Variants in TNKS observed in about 807,000 individuals in gnomAD.
The protein encoded by TNKS is tankyrase.
TNKS carries 72 observed loss-of-function variants against 135.8 expected under a neutral mutation model. That is an observed-to-expected ratio of 0.53 (90% CI 0.44 to 0.64). The LOEUF is 0.64. Ranked by LOEUF, TNKS falls within the 30% of genes least tolerant of loss-of-function variation. The probability of loss-of-function intolerance (pLI) is 0.00; values close to 1 mark genes in which losing one functional copy is unlikely to be tolerated. For synonymous variants in TNKS, 849 were observed against 649.3 expected (o/e 1.31, Z -4.68); for missense variants, 1,769 against 1,674.0 (o/e 1.06, Z -0.99).
At chr8:9,653,144 A>G (rs183755673) in intron 3 of TNKS, among the ~76,000 whole-genome samples, 196 of 152,324 alleles carry the variant, frequency 1.3e-3, no homozygotes, top group African/African-American at 4.6e-3. Flanking sequence ...TAGTGAAGTA[A>G]TGAGGGAGAA....
At chr8:9,735,236 T>A (rs1233780615) in intron 16 of TNKS, 141 bp from the exon 17 acceptor site, 1 of 1,066,422 alleles carries the variant, frequency 9.4e-7, no homozygotes, top group African/African-American at 1.6e-5. Flanking sequence ...TATTGTGAAG[T>A]CCCTCCATTA....
rs895584856 is a variant in TNKS at position 9,781,550 on chromosome 8, ACT to A, written c.*4817_*4818del. 2.6e-5 allele frequency: 4 copies of A among 151,802 alleles called. No individual in the cohort carries two copies. Among genetic ancestry groups the A allele is most frequent in the African/African-American group, 9.7e-5 (4 of 41,250 alleles). The allele number at this position is 151,802 out of a possible 1,614,324, so 9.4% of individuals were successfully genotyped here. A position where few individuals can be genotyped will look rare whatever the true frequency, so the allele number is the denominator to read the frequency against. ...TGTCTCCGTGACACAAAACACTGAA[ACT>A]CTTCATGTGCATATAACACCTGCTT... is the stretch of plus-strand genomic sequence containing the variant. On this transcript the variant is annotated 3_prime_UTR_variant, in exon 27 of 27. Transcript: ENST00000310430.
chr8:9,617,343 G>A (rs1031672504), intron 3 of TNKS, among the ~76,000 whole-genome samples: 4 of 152,158 alleles, frequency 2.6e-5, no homozygotes, highest in Non-Finnish European at 5.9e-5. Context: ...AGGAATATAC[G>A]AAATTCTTGG....
chr8:9,601,334 A>C (rs1040672605), intron 2 of TNKS, among the ~76,000 whole-genome samples: 1 of 152,222 alleles, frequency 6.6e-6, no homozygotes, highest in African/African-American at 2.4e-5. Context: ...TTTGAATTTA[A>C]CATGTATTAT....
intron 2 of TNKS, among the ~76,000 whole-genome samples, chr8:9,581,730 C>G (rs1249763385): frequency 6.6e-6 from 1 of 152,148 alleles, no homozygotes; most frequent in Non-Finnish European, 1.5e-5. Flanking sequence ...ATTATCCTTT[C>G]CAGGCTTCAG....
chr8:9,578,362 A>C (rs1798038847), intron 1 of TNKS, among the ~76,000 whole-genome samples: 1 of 152,236 alleles, frequency 6.6e-6, no homozygotes, highest in Non-Finnish European at 1.5e-5. Flanking sequence ...GCAGGTATTT[A>C]AAAAACAAAA....
intron 8 of TNKS, among the ~76,000 whole-genome samples, chr8:9,707,299 C>G (rs1001134934): frequency 2.6e-5 from 4 of 152,186 alleles, no homozygotes; most frequent in African/African-American, 9.7e-5. Flanking sequence ...TGCAATGTGG[C>G]AGGCACTAGA....
intron 3 of TNKS, among the ~76,000 whole-genome samples, chr8:9,651,344 A>G (rs1801141572): frequency 6.6e-6 from 1 of 152,186 alleles, no homozygotes; most frequent in African/African-American, 2.4e-5. Flanking sequence ...AGGATAGAAA[A>G]TATAGGAAAG....
At chr8:9,751,334 T>G (rs1806518608) in intron 18 of TNKS, among the ~76,000 whole-genome samples, 1 of 152,222 alleles carries the variant, frequency 6.6e-6, no homozygotes, top group Non-Finnish European at 1.5e-5. Flanking sequence ...CACAGAAATT[T>G]TTTCTAAAGA....
At chr8:9,625,271 C>T (rs969328634) in intron 3 of TNKS, among the ~76,000 whole-genome samples, 3 of 151,788 alleles carry the variant, frequency 2.0e-5, no homozygotes, top group Non-Finnish European at 2.9e-5. Flanking sequence ...GTAATAATCC[C>T]GTTTCATTCC....
At chr8:9,661,702 A>T (rs956214283) in intron 3 of TNKS, among the ~76,000 whole-genome samples, 1 of 152,236 alleles carries the variant, frequency 6.6e-6, no homozygotes, top group Non-Finnish European at 1.5e-5. Context: ...AAACACCAAA[A>T]GCAATGGCAA....
intron 1 of TNKS, among the ~76,000 whole-genome samples, chr8:9,578,666 T>A (rs967733887): frequency 3.9e-5 from 6 of 152,190 alleles, no homozygotes; most frequent in Non-Finnish European, 8.8e-5. Context: ...CTTTTCCACA[T>A]GGTTTTTATT....
intron 14 of TNKS, among the ~76,000 whole-genome samples, chr8:9,732,594 A>G (rs1246446462): frequency 6.6e-6 from 1 of 152,132 alleles, no homozygotes; most frequent in African/African-American, 2.4e-5. Context: ...AAAAAAAAAA[A>G]AAATGCACTT....
intron 26 of TNKS, 115 bp downstream of exon 26, chr8:9,770,377 T>C: frequency 9.2e-7 from 1 of 1,081,260 alleles, no homozygotes; most frequent in South Asian, 1.8e-5. Flanking sequence ...AGTGTGCTAG[T>C]ATTAATTACT....
At chr8:9,669,442 A>G (rs905027942) in intron 3 of TNKS, among the ~76,000 whole-genome samples, 4 of 151,928 alleles carry the variant, frequency 2.6e-5, no homozygotes, top group African/African-American at 9.6e-5. Flanking sequence ...AAAAAAAAAA[A>G]AAGAATGGAA....
At chr8:9,729,514 C>T (rs1805320259) in intron 13 of TNKS, among the ~76,000 whole-genome samples, 2 of 152,070 alleles carry the variant, frequency 1.3e-5, no homozygotes, top group Non-Finnish European at 2.9e-5. Flanking sequence ...CTGATCACTT[C>T]CCTCAAGTTG....
At chr8:9,645,438 T>C (rs1488982169) in intron 3 of TNKS, among the ~76,000 whole-genome samples, 1 of 152,086 alleles carries the variant, frequency 6.6e-6, no homozygotes, top group Non-Finnish European at 1.5e-5. Context: ...TCTGAAGGGA[T>C]AAAGACACAC....
chr8:9,578,250 C>G (rs1214888152), intron 1 of TNKS, among the ~76,000 whole-genome samples: 1 of 152,166 alleles, frequency 6.6e-6, no homozygotes, highest in East Asian at 1.9e-4. Flanking sequence ...CTTCCTGGGT[C>G]AGGACAGCAC....
intron 20 of TNKS, among the ~76,000 whole-genome samples, chr8:9,758,227 G>A (rs140538644): frequency 2.6e-5 from 4 of 152,240 alleles, no homozygotes; most frequent in Admixed American, 6.5e-5. Flanking sequence ...AATATTGTGT[G>A]GATGGTGGTT....
Sources: gnomAD v4.1 joint callset for allele counts (sites outside exome capture counted in the v4.1 genomes callset) on GRCh38, gnomAD v4.1.1 for gene constraint, MANE v1.5 for transcripts, NCBI Gene and HGNC (gene_info 2026-07-23, HGNC 2026-07-21) for gene names.